The following CHSY3 variants were observed in gnomAD, a reference collection of about 807,000 sequenced individuals.
The protein encoded by CHSY3 is chondroitin sulfate synthase 3, also known as N-acetylgalactosaminyl-proteoglycan 3-beta-glucuronosyltransferase 3.
In CHSY3, 35 loss-of-function variants were observed where a neutral mutation model predicts 67.2. The ratio of observed to expected loss-of-function variants is 0.52; its 90% CI spans 0.40 to 0.69. CHSY3 has a LOEUF of 0.69. Ranked by LOEUF, CHSY3 falls within the 30% of genes least tolerant of loss-of-function variation. The pLI is 0.00. For synonymous variants in CHSY3, 474 were observed against 434.7 expected (o/e 1.09, Z -1.12); for missense variants, 1,069 against 1,138.5 (o/e 0.94, Z 0.88).
chr5:129,937,950 T>C (rs1373384548), intron 2 of CHSY3, among the ~76,000 whole-genome samples: 2 of 152,034 alleles, frequency 1.3e-5, no homozygotes, highest in Admixed American at 6.6e-5. Context: ...CAACCTCACA[T>C]TTCCCCTCTT....
At chr5:130,123,076 G>GA (rs33932765) in intron 2 of CHSY3, among the ~76,000 whole-genome samples, 37 of 147,462 alleles carry the variant, frequency 2.5e-4, no homozygotes, top group Non-Finnish European at 3.3e-4. Flanking sequence ...TAAGGTGCAA[G>GA]AAAAAAAAAA....
At chr5:130,048,280 C>T (rs1010667670) in intron 2 of CHSY3, among the ~76,000 whole-genome samples, 20 of 152,024 alleles carry the variant, frequency 1.3e-4, no homozygotes, top group African/African-American at 4.8e-4. Context: ...TCCACATCCA[C>T]AAAATAGTAG....
intron 2 of CHSY3, among the ~76,000 whole-genome samples, chr5:130,110,216 T>A (rs1438751090): frequency 6.6e-6 from 1 of 151,886 alleles, no homozygotes; most frequent in Non-Finnish European, 1.5e-5. Context: ...GAACATGGGT[T>A]CTTATATAGT....
intron 2 of CHSY3, among the ~76,000 whole-genome samples, chr5:129,913,271 A>G (rs768606024): frequency 1.1e-4 from 16 of 152,204 alleles, no homozygotes; most frequent in Non-Finnish European, 1.6e-4. Flanking sequence ...TTACATAGGC[A>G]TAAAAGTTTT....
At chr5:130,183,663 C>T (rs1465090983) in intron 2 of CHSY3, among the ~76,000 whole-genome samples, 2 of 152,072 alleles carry the variant, frequency 1.3e-5, no homozygotes, top group Non-Finnish European at 2.9e-5. Context: ...ATGAACCTGA[C>T]ATTTGTGCTC....
intron 2 of CHSY3, among the ~76,000 whole-genome samples, chr5:130,132,085 C>T (rs1768501393): frequency 6.6e-6 from 1 of 152,098 alleles, no homozygotes; most frequent in Admixed American, 6.6e-5. Flanking sequence ...ACCATTTAGC[C>T]CATTTTGAAC....
At chr5:130,142,772 T>G (rs1768907425) in intron 2 of CHSY3, among the ~76,000 whole-genome samples, 1 of 152,152 alleles carries the variant, frequency 6.6e-6, no homozygotes, top group South Asian at 2.1e-4. Flanking sequence ...ATCCATGGTC[T>G]TCACCTTAAT....
chr5:130,092,598 T>G (rs1392166187), intron 2 of CHSY3, among the ~76,000 whole-genome samples: 1 of 152,202 alleles, frequency 6.6e-6, no homozygotes, highest in Non-Finnish European at 1.5e-5. Flanking sequence ...TCACTTTAAA[T>G]ATTGGCCTTT....
At chr5:130,093,701 T>C (rs1766953813) in intron 2 of CHSY3, among the ~76,000 whole-genome samples, 2 of 152,156 alleles carry the variant, frequency 1.3e-5, no homozygotes, top group South Asian at 2.1e-4. Flanking sequence ...GTCAATACTT[T>C]AGGCTTTACC....
intron 2 of CHSY3, among the ~76,000 whole-genome samples, chr5:129,983,865 T>C (rs996747140): frequency 1.3e-5 from 2 of 152,152 alleles, no homozygotes; most frequent in East Asian, 1.9e-4. Context: ...ATCTGAATTA[T>C]CATGAAATTC....
At chr5:130,133,563 G>A (rs1768551042) in intron 2 of CHSY3, among the ~76,000 whole-genome samples, 1 of 151,900 alleles carries the variant, frequency 6.6e-6, no homozygotes, top group Admixed American at 6.6e-5. Context: ...CTTGAGATCA[G>A]GAGTTCAAGA....
chr5:129,998,373 T>C (rs1355948048), intron 2 of CHSY3, among the ~76,000 whole-genome samples: 1 of 152,224 alleles, frequency 6.6e-6, no homozygotes, highest in Non-Finnish European at 1.5e-5. Flanking sequence ...AATCCCTAAA[T>C]GTAGTGATTA....
At chr5:130,183,454 C>G (rs13153846) in intron 2 of CHSY3, among the ~76,000 whole-genome samples, 54,607 of 151,550 alleles carry the variant, frequency 0.36, 10,859 homozygotes, top group African/African-American at 0.54. Flanking sequence ...AAATTTACGA[C>G]TCCCCTGGCA....
intron 2 of CHSY3, among the ~76,000 whole-genome samples, chr5:130,169,249 A>G (rs1769834446): frequency 6.6e-6 from 1 of 152,100 alleles, no homozygotes; most frequent in African/African-American, 2.4e-5. Context: ...TTTCATACAT[A>G]ATGAATATAA....
At chr5:130,088,608 A>C (rs1208125596) in intron 2 of CHSY3, among the ~76,000 whole-genome samples, 1 of 152,196 alleles carries the variant, frequency 6.6e-6, no homozygotes, top group Non-Finnish European at 1.5e-5. Context: ...GCAGCCAAAA[A>C]ACACATGAAA....
chr5:129,954,744 A>G (rs934782963), intron 2 of CHSY3, among the ~76,000 whole-genome samples: 4 of 152,226 alleles, frequency 2.6e-5, no homozygotes, highest in South Asian at 2.1e-4. Context: ...CTTGGTAGCA[A>G]TTGTGAATGG....
At chr5:130,053,690 A>G (rs1765438566) in intron 2 of CHSY3, among the ~76,000 whole-genome samples, 1 of 152,174 alleles carries the variant, frequency 6.6e-6, no homozygotes, top group Non-Finnish European at 1.5e-5. Flanking sequence ...ATAAAGTAGA[A>G]CCATAGAACA....
chr5:130,118,518 C>T (rs1011317490), intron 2 of CHSY3, among the ~76,000 whole-genome samples: 1 of 149,022 alleles, frequency 6.7e-6, no homozygotes, highest in Non-Finnish European at 1.5e-5. Context: ...TATATATATA[C>T]AGACACATAT....
intron 2 of CHSY3, chr5:130,140,468 A>T: frequency 8.8e-7 from 1 of 1,132,726 alleles, no homozygotes; most frequent in East Asian, 2.7e-5. Context: ...GTGCCAGCTT[A>T]CTTTAATGAC....
Sources: gnomAD v4.1 joint callset for allele counts (sites outside exome capture counted in the v4.1 genomes callset) on GRCh38, gnomAD v4.1.1 for gene constraint, MANE v1.5 for transcripts, NCBI Gene and HGNC (gene_info 2026-07-23, HGNC 2026-07-21) for gene names.